The following LYPD3 variants were observed in gnomAD, a reference collection of about 807,000 sequenced individuals.
The protein encoded by LYPD3 is ly6/PLAUR domain-containing protein 3.
Under a neutral mutation model 21.7 loss-of-function variants are expected in LYPD3, and 22 were observed. The ratio of observed to expected loss-of-function variants is 1.01; its 90% CI spans 0.72 to 1.45. The LOEUF is 1.45. Among genes scored for constraint, LYPD3 ranks in the 40% most tolerant of loss-of-function variants. LYPD3 has a pLI of 0.00. For synonymous variants in LYPD3, 179 were observed against 203.0 expected (o/e 0.88, Z 1.00); for missense variants, 471 against 466.9 (o/e 1.01, Z -0.08).
chr19:43,464,469 A>G lies in LYPD3; in HGVS notation c.80-13T>C, dbSNP rs1242191534. The G allele has an allele frequency of 6.2e-7, 1 of 1,613,724 alleles. No homozygotes were observed. Among genetic ancestry groups the G allele is most frequent in the Non-Finnish European group, 8.5e-7 (1 of 1,180,014 alleles). On this transcript the variant is annotated splice_polypyrimidine_tract_variant and intron_variant, in intron 1 of 4. Coordinates refer to ENST00000244333, the MANE Select transcript of LYPD3 (RefSeq NM_014400.3). ...AGGGCCTGCGCTCCTGGGGGAGCGG[A>G]GCCGAATAGACCTGAGCCCTCCTTG...
At chr19:43,464,515 G>A (rs1970805738) in intron 1 of LYPD3, 59 bp from the exon 2 acceptor site, 1 of 1,607,844 alleles carries the variant, frequency 6.2e-7, no homozygotes, top group South Asian at 1.1e-5. Context: ...CACCCCCAAG[G>A]AGAAATAGTC....
chr19:43,461,717 G>T lies in LYPD3; in HGVS notation c.675C>A (p.Leu225=). The T allele has an allele frequency of 3.7e-6, 6 of 1,614,162 alleles. No homozygotes were observed. Among genetic ancestry groups the T allele is most frequent in the Non-Finnish European group, 5.1e-6 (6 of 1,180,022 alleles). ...CCQGSRCNSD[L]RNKTYFSPRI... ...GAGGGGAGAAGTAGGTCTTGTTGCG[G>T]AGGTCAGAGTTACAGCGGGACCCCT... Residue 225 remains leucine, a synonymous_variant, in exon 5 of 5, where the codon CTC becomes CTA. Transcript: ENST00000244333.
chr19:43,465,431 A>C, intron 1 of LYPD3, 62 bp downstream of exon 1: 1 of 1,567,104 alleles, frequency 6.4e-7, no homozygotes, highest in Non-Finnish European at 8.7e-7. Flanking sequence ...ACGGGGCCAG[A>C]GGAGCCTCCT....
At chr19:43,463,343 T>G (rs1263859355) in intron 3 of LYPD3, 56 bp from the exon 4 acceptor site, 1 of 1,574,620 alleles carries the variant, frequency 6.4e-7, no homozygotes, top group East Asian at 2.3e-5. Context: ...GAACCGCAGC[T>G]CGTCCTCTAG....
At chr19:43,463,560 T>C (rs367610870) in intron 3 of LYPD3, 39 bp downstream of exon 3, 305 of 1,592,902 alleles carry the variant, frequency 1.9e-4, no homozygotes, top group Non-Finnish European at 1.9e-4. Flanking sequence ...GGCCCGAATG[T>C]GGCTCCGCCC....
At chr19:43,463,327 G>A in intron 3 of LYPD3, 40 bp from the exon 4 acceptor site, 2 of 1,595,664 alleles carry the variant, frequency 1.3e-6, no homozygotes, top group African/African-American at 1.3e-5. Flanking sequence ...TGTCGAAAGG[G>A]TTCGGGAACC....
Position 43,463,273 on chromosome 19 carries a change from A to G in LYPD3, c.397T>C (p.Tyr133His). Residue 133 changes from tyrosine (Y) to histidine (H), a missense_variant, in exon 4 of 5, where the codon TAC (tyrosine) becomes CAC (histidine). By Grantham distance (83) the Tyr-to-His change is moderately conservative. Coordinates refer to ENST00000244333, the MANE Select transcript of LYPD3 (RefSeq NM_014400.3). ...ALDPAGNESA[Y>H]PPNGVECYSC... ...TAGCACTCCACGCCGTTGGGCGGGT[A>G]TGCACTCTCATTACCTGCGAGGGGA... 1 of 1,602,700 alleles carries G rather than the reference A, an allele frequency of 6.2e-7. No homozygotes were observed. Among genetic ancestry groups the G allele is most frequent in the Non-Finnish European group, 8.5e-7 (1 of 1,179,944 alleles).
rs370246605 is a variant in LYPD3, at chr19:43,463,775, G to C, written c.212-6C>G. The C allele has an allele frequency of 1.2e-6, 2 of 1,612,254 alleles. No homozygotes were observed. The highest frequency in any genetic ancestry group is 2.7e-5 in the African/African-American group (2 of 74,932). The stretch of plus-strand genomic sequence containing the variant: ...CAGCGAGAATTGTCCGTGGACTAGG[G>C]AGAGGGACAAGGGCGGGATTAGCTG... On this transcript the variant is annotated splice_polypyrimidine_tract_variant and splice_region_variant and intron_variant, in intron 2 of 4. Transcript: ENST00000244333.
At position 43,461,385 on chromosome 19, in the gene LYPD3, AG is replaced by A. The variant is rs760944391; in HGVS notation, c.1006del (p.Leu336PhefsTer68). 7.1e-5 allele frequency: 115 copies of A among 1,609,352 alleles called. No individual in the cohort carries two copies. The highest frequency in any genetic ancestry group is 9.3e-5 in the Non-Finnish European group (109 of 1,176,904). ...GACACCAGCAGCCACGGCCAACAGA[AG>A]GGCTGCCAATCCAGCTGTGGGAGCC... ...CVAPTAGLAA[L>X]LLAVAAGVLL On this transcript the variant is annotated frameshift_variant, in exon 5 of 5. Transcript: ENST00000244333. LOFTEE classifies it high-confidence loss of function.
chr19:43,464,581 G>A lies in LYPD3; in HGVS notation c.80-125C>T, dbSNP rs1008015668. ...AGTCTTATTGCACACACTTTTCCAG[G>A]GCAGGAGTAGGGAAAAGCTTTCCAC... is the stretch of plus-strand genomic sequence containing the variant. On this transcript the variant is annotated intron_variant, in intron 1 of 4. Coordinates refer to ENST00000244333, the MANE Select transcript of LYPD3 (RefSeq NM_014400.3). 16 of 1,257,280 alleles carry A rather than the reference G, an allele frequency of 1.3e-5. No homozygotes were observed. The African/African-American group carries it at 1.8e-4, about 14-fold the overall frequency. The allele number at this position is 1,257,280 out of a possible 1,614,324, so 77.9% of individuals were successfully genotyped here.
chr19:43,461,767 A>T lies in LYPD3; in HGVS notation c.625T>A (p.Phe209Ile). The T allele has an allele frequency of 6.2e-7, 1 of 1,613,860 alleles. No homozygotes were observed. The highest frequency in any genetic ancestry group is 1.1e-5 in the South Asian group (1 of 91,036). Residue 209 changes from phenylalanine to isoleucine, a missense_variant, in exon 5 of 5, where the codon TTC (phenylalanine) becomes ATC (isoleucine). Phe to Ile is a conservative substitution (Grantham distance 21, BLOSUM62 0). Coordinates refer to ENST00000244333, the MANE Select transcript of LYPD3 (RefSeq NM_014400.3). ...TGGCAACAGGAGCCACTGAGCGTGA[A>T]CCCTGGGCCTGTTACTCCATCCCGA... The part of the protein sequence containing the change: ...CTRDGVTGPG[F>I]TLSGSCCQGS...
rs1001009941 is a variant in LYPD3, at chr19:43,461,184, A to G, written c.*167T>C. On this transcript the variant is annotated 3_prime_UTR_variant, in exon 5 of 5. Transcript: ENST00000244333. ...GGCAGAATATATACAACGGTATTTT[A>G]TTTCCCAAAGCCGCAAACCAGCGCA... 5.4e-5 allele frequency: 43 copies of G among 793,086 alleles called. No individual in the cohort carries two copies. The highest frequency in any genetic ancestry group is 7.7e-5 in the Non-Finnish European group (39 of 509,436). 49.1% of individuals were successfully genotyped at this position (793,086 alleles called of 1,614,324 possible).
chr19:43,461,818 C>T lies in LYPD3; in HGVS notation c.574G>A (p.Gly192Ser). 6.2e-7 allele frequency: 1 copy of T among 1,612,712 alleles called. No homozygotes were observed. ...GTGCAGAATTCATCCTGGACACAGC[C>T]CCGGACAGGCAAGGACACAGTCACA... is the stretch of plus-strand genomic sequence containing the variant. Reference protein sequence around the residue: ...ANVTVSLPVRGCVQDEFCTRD... With the variant: ...ANVTVSLPVRSCVQDEFCTRD... Residue 192 changes from glycine (G) to serine (S), a missense_variant, in exon 5 of 5, where the codon GGC (glycine) becomes AGC (serine). Physicochemically the swap from Gly to Ser is moderately conservative, Grantham distance 56. Transcript: ENST00000244333.
intron 4 of LYPD3, 57 bp downstream of exon 4, chr19:43,463,069 G>A (rs1438665796): frequency 6.3e-7 from 1 of 1,589,014 alleles, no homozygotes; most frequent in Non-Finnish European, 8.6e-7. Context: ...ACCGCCCAGG[G>A]TGCTTCAGAA....
rs920356781 is a variant in LYPD3, at chr19:43,461,068, TCTCA to T, written c.*279_*282del. On this transcript the variant is annotated 3_prime_UTR_variant, in exon 5 of 5. Transcript: ENST00000244333. ...CACCTTCCCCGTGACAGCTGACTTCTCTCACTCTGTCCTAACATCACAAGAGGAC... is the reference window on the plus strand; with the variant it reads ...CACCTTCCCCGTGACAGCTGACTTCTCTCTGTCCTAACATCACAAGAGGAC... The T allele has an allele frequency of 2.7e-6, 1 of 374,264 alleles. No homozygotes were observed. The highest frequency in any genetic ancestry group is 2.0e-5 in the African/African-American group (1 of 49,606). 23.2% of individuals were successfully genotyped at this position (374,264 alleles called of 1,614,324 possible). A position where few individuals can be genotyped will look rare whatever the true frequency, so the allele number is the denominator to read the frequency against.
At chr19:43,465,454 C>T (rs1487502875) in intron 1 of LYPD3, 39 bp downstream of exon 1, 1 of 1,600,920 alleles carries the variant, frequency 6.2e-7, no homozygotes, top group Middle Eastern at 1.7e-4. Flanking sequence ...CTAAGAGCCC[C>T]CACTCTACCC....
chr19:43,463,855 C>T lies in LYPD3; in HGVS notation c.212-86G>A, dbSNP rs933303282. The T allele has an allele frequency of 4.9e-6, 6 of 1,220,908 alleles. No homozygotes were observed. In the African/African-American group the frequency reaches 7.5e-5, roughly 15 times the overall value. The allele number at this position is 1,220,908 out of a possible 1,614,324, so 75.6% of individuals were successfully genotyped here. A position where few individuals can be genotyped will look rare whatever the true frequency, so the allele number is the denominator to read the frequency against. Reference sequence around the variant, plus strand: ...AGAGTTGGGTAGGGTCTGGGAGGGGCGGGGCCTCAAATAGGCCAACACCAC... The same window carrying T: ...AGAGTTGGGTAGGGTCTGGGAGGGGTGGGGCCTCAAATAGGCCAACACCAC... On this transcript the variant is annotated intron_variant, in intron 2 of 4. Coordinates refer to ENST00000244333, the MANE Select transcript of LYPD3 (RefSeq NM_014400.3).
chr19:43,463,922 A>G, intron 2 of LYPD3, 153 bp from the exon 3 acceptor site: 1 of 777,974 alleles, frequency 1.3e-6, no homozygotes, highest in South Asian at 1.5e-5. Flanking sequence ...GCCCCCAAAG[A>G]GCCGCTCAGA....
intron 2 of LYPD3, 168 bp downstream of exon 2, chr19:43,464,157 A>ATT (rs1970801280): frequency 1.1e-6 from 1 of 909,258 alleles, no homozygotes; most frequent in African/African-American, 1.7e-5. Flanking sequence ...AATTGTTAAT[A>ATT]GAGAAGGCCT....
Sources: gnomAD v4.1 joint callset for allele counts on GRCh38, gnomAD v4.1.1 for gene constraint, MANE v1.5 for transcripts, NCBI Gene and HGNC (gene_info 2026-07-23, HGNC 2026-07-21) for gene names.